Variants in PCDH15 observed in about 807,000 individuals in gnomAD.
PCDH15 encodes the protein protocadherin-15.
Under a neutral mutation model 178.5 loss-of-function variants are expected in PCDH15, and 129 were observed. That is an observed-to-expected ratio of 0.72 (90% CI 0.63 to 0.84). PCDH15 has a LOEUF of 0.84. Ranked by LOEUF, PCDH15 falls within the 40% of genes least tolerant of loss-of-function variation. PCDH15 has a pLI of 0.00. For synonymous variants in PCDH15, 800 were observed against 732.0 expected (o/e 1.09, Z -1.50); for missense variants, 2,230 against 2,099.9 (o/e 1.06, Z -1.21).
chr10:54,394,157 G>C (rs7896552), intron 3 of PCDH15, among the ~76,000 whole-genome samples: 57,339 of 151,794 alleles, frequency 0.38, 12,266 homozygotes, highest in Non-Finnish European at 0.5. Context: ...AACTCTTAAG[G>C]CTGATGATGA....
intron 2 of PCDH15, among the ~76,000 whole-genome samples, chr10:54,538,856 G>C (rs933488492): frequency 6.6e-6 from 1 of 152,164 alleles, no homozygotes; most frequent in Non-Finnish European, 1.5e-5. Context: ...GTCTCAGGTA[G>C]TTCTTTATAA....
intron 3 of PCDH15, among the ~76,000 whole-genome samples, chr10:54,450,614 G>T (rs1589471065): frequency 6.6e-6 from 1 of 151,058 alleles, no homozygotes; most frequent in Non-Finnish European, 1.5e-5. Flanking sequence ...AAATAATCAT[G>T]ACCAACATAT....
intron 5 of PCDH15, among the ~76,000 whole-genome samples, chr10:54,361,192 A>G (rs1945986413): frequency 1.3e-5 from 2 of 152,102 alleles, no homozygotes; most frequent in Admixed American, 1.3e-4. Context: ...GAGGTTTCAC[A>G]TCCATGAATA....
At chr10:55,139,991 C>T (rs10740612) in intron 2 of PCDH15, among the ~76,000 whole-genome samples, 138,830 of 151,934 alleles carry the variant, frequency 0.91, 63,895 homozygotes, top group Non-Finnish European at 0.97. Flanking sequence ...ATATGTTTTG[C>T]TAGAATTACA....
chr10:54,184,826 A>G (rs1298084432), intron 12 of PCDH15, among the ~76,000 whole-genome samples: 1 of 152,152 alleles, frequency 6.6e-6, no homozygotes, highest in Non-Finnish European at 1.5e-5. Flanking sequence ...GTTAGGAAAT[A>G]ATTCTTTATA....
intron 28 of PCDH15, among the ~76,000 whole-genome samples, chr10:53,855,904 G>GTATGTATATATATATA (rs147606526): frequency 9.1e-6 from 1 of 109,690 alleles, no homozygotes; most frequent in African/African-American, 3.8e-5. Context: ...AAGGTGATAT[G>GTATGTATATATATATA]TATATATATA....
chr10:54,743,603 G>A (rs939525445), intron 1 of PCDH15, among the ~76,000 whole-genome samples: 2 of 151,772 alleles, frequency 1.3e-5, no homozygotes, highest in African/African-American at 4.8e-5. Context: ...TGGCTTCTAA[G>A]TATACTTTAC....
chr10:54,332,732 C>T (rs992654065), intron 6 of PCDH15, among the ~76,000 whole-genome samples: 1 of 152,076 alleles, frequency 6.6e-6, no homozygotes, highest in Non-Finnish European at 1.5e-5. Context: ...AAATGTCTAG[C>T]TAAGCAACTT....
At chr10:54,593,301 T>C (rs2091997375) in intron 2 of PCDH15, among the ~76,000 whole-genome samples, 1 of 152,296 alleles carries the variant, frequency 6.6e-6, no homozygotes, top group African/African-American at 2.4e-5. Context: ...AGTTTTACAG[T>C]TTCAAGTCTT....
intron 1 of PCDH15, among the ~76,000 whole-genome samples, chr10:54,798,185 C>CTT (rs529782633): frequency 2.0e-5 from 3 of 147,166 alleles, no homozygotes; most frequent in Non-Finnish European, 4.5e-5. Flanking sequence ...CTCACATTAG[C>CTT]TTTTTTTTTT....
At chr10:54,767,145 C>T (rs187280637) in intron 1 of PCDH15, among the ~76,000 whole-genome samples, 3 of 152,152 alleles carry the variant, frequency 2.0e-5, no homozygotes, top group East Asian at 1.9e-4. Context: ...TTGCAAAATA[C>T]GTAACTGTTT....
At chr10:55,230,598 G>T (rs1841185695) in intron 1 of PCDH15, among the ~76,000 whole-genome samples, 1 of 152,048 alleles carries the variant, frequency 6.6e-6, no homozygotes, top group African/African-American at 2.4e-5. Flanking sequence ...GAGATTTATA[G>T]AAAGAAATAA....
At chr10:54,780,049 T>G (rs886335266) in intron 1 of PCDH15, among the ~76,000 whole-genome samples, 6 of 152,108 alleles carry the variant, frequency 3.9e-5, no homozygotes, top group Non-Finnish European at 1.5e-5. Context: ...CCCTTTGGGG[T>G]GGTTTGCTTG....
At chr10:54,302,841 A>G (rs1409936790) in intron 8 of PCDH15, among the ~76,000 whole-genome samples, 5 of 152,086 alleles carry the variant, frequency 3.3e-5, no homozygotes, top group African/African-American at 1.2e-4. Context: ...CATTCCATCT[A>G]CTTTACAAAG....
intron 2 of PCDH15, chr10:54,600,628 A>G: frequency 1.7e-6 from 1 of 581,276 alleles, no homozygotes; most frequent in Non-Finnish European, 3.3e-6. Flanking sequence ...TCTACTAAAA[A>G]GGTAGAAAAT....
At position 54,420,236 on chromosome 10, in the gene PCDH15, C is replaced by T. The variant is rs561881890; in HGVS notation, c.158-41294G>A. Among the ~76,000 whole-genome samples the T allele has an allele frequency of 1.2e-3, 184 of 151,936 alleles. 6 individuals carry two copies. In the South Asian group the frequency reaches 0.037, roughly 30 times the overall value. On this transcript the variant is annotated intron_variant, in intron 3 of 37. Transcript: ENST00000644397. Reference sequence around the variant, plus strand: ...TGCTTTATTTCAAAGAATGAAAAACCGGAAAAATAGTTCCTTCCTAACTTC... The same window carrying T: ...TGCTTTATTTCAAAGAATGAAAAACTGGAAAAATAGTTCCTTCCTAACTTC...
intron 2 of PCDH15, among the ~76,000 whole-genome samples, chr10:55,078,783 A>G (rs566850445): frequency 6.7e-6 from 1 of 150,254 alleles, no homozygotes; most frequent in South Asian, 2.1e-4. Context: ...CCCTTCCCAA[A>G]CCCCCCGTGG....
rs570048496 is a variant in PCDH15, at chr10:54,183,512, T to C, written c.1522A>G (p.Thr508Ala). The C allele has an allele frequency of 7.4e-6, 12 of 1,613,798 alleles. No individual in the cohort carries two copies. In the South Asian group the frequency reaches 7.7e-5, roughly 10 times the overall value. ...ACATCATAGGATATTTCAGGGAAGGTTGGCGTGTTATCATTTGCATCCATC... is the reference window on the plus strand; with the variant it reads ...ACATCATAGGATATTTCAGGGAAGGCTGGCGTGTTATCATTTGCATCCATC... ...QVMDANDNTP[T>A]FPEISYDVYV... Residue 508 changes from threonine to alanine, a missense_variant, in exon 13 of 38, where the codon ACC becomes GCC. Coordinates refer to ENST00000644397, the MANE Select transcript of PCDH15 (RefSeq NM_001384140.1).
intron 10 of PCDH15, among the ~76,000 whole-genome samples, chr10:54,209,854 C>T (rs2051220778): frequency 6.6e-6 from 1 of 152,046 alleles, no homozygotes; most frequent in African/African-American, 2.4e-5. Context: ...TATCATTACT[C>T]AAATAGTGAC....
Sources: gnomAD v4.1 joint callset for allele counts (sites outside exome capture counted in the v4.1 genomes callset) on GRCh38, gnomAD v4.1.1 for gene constraint, MANE v1.5 for transcripts, NCBI Gene and HGNC (gene_info 2026-07-23, HGNC 2026-07-21) for gene names.